USP43: variants seen among roughly 807,000 people sequenced by gnomAD.
The protein encoded by USP43 is ubiquitin specific peptidase 43.
Under a neutral mutation model 90.7 loss-of-function variants are expected in USP43, and 33 were observed. That is an observed-to-expected ratio of 0.36 (90% CI 0.28 to 0.49). USP43 has a LOEUF of 0.49. Ranked by LOEUF, USP43 falls within the 20% of genes least tolerant of loss-of-function variation. The pLI is 0.98. For synonymous variants in USP43, 598 were observed against 615.8 expected, an observed-to-expected ratio of 0.97 and a Z score of 0.43; for missense variants, 1,274 against 1,476.4, an observed-to-expected ratio of 0.86 and a Z score of 2.25.
At chr17:9,712,509 AG>A (rs1246787920) in intron 14 of USP43, among the ~76,000 whole-genome samples, 1 of 152,074 alleles carries the variant, frequency 6.6e-6, no homozygotes, top group Non-Finnish European at 1.5e-5. Context: ...ACATCTTTCT[AG>A]GGGGTGACAC....
chr17:9,658,656 G>A (rs1477597738), intron 2 of USP43, among the ~76,000 whole-genome samples: 1 of 152,164 alleles, frequency 6.6e-6, no homozygotes, highest in Non-Finnish European at 1.5e-5. Context: ...TACTTACCAT[G>A]ATTTCCTGTT....
rs2151993771 is a variant in USP43 at position 9,709,452 on chromosome 17, A to G, written c.2012-504A>G. Among the ~76,000 whole-genome samples the G allele has an allele frequency of 6.6e-6, 1 of 152,330 alleles. No homozygotes were observed. The highest frequency in any genetic ancestry group is 1.5e-5 in the Non-Finnish European group (1 of 68,018). The stretch of plus-strand genomic sequence containing the variant: ...CACTCTTGGCCGGGCATGGTGGCTC[A>G]GGCCTGTAATCCCAGCACTTTGGGA... On this transcript the variant is annotated intron_variant, in intron 12 of 14. Transcript: ENST00000285199. The surrounding 1 kb of genome is among the most constrained non-coding windows in gnomAD (Gnocchi z 5.0).
chr17:9,714,682 C>CAAAAAAAAA (rs34258688), intron 14 of USP43, among the ~76,000 whole-genome samples: 23 of 69,984 alleles, frequency 3.3e-4, no homozygotes, highest in East Asian at 4.3e-4. Context: ...GACTCCATCT[C>CAAAAAAAAA]AAAAAAAAAA....
chr17:9,715,057 G>A (rs1036660648), intron 14 of USP43, among the ~76,000 whole-genome samples: 6 of 152,192 alleles, frequency 3.9e-5, no homozygotes, highest in Non-Finnish European at 5.9e-5. Context: ...GGTGACTGAA[G>A]GAAGGCGGGT....
In USP43 at chr17:9,728,946, C is replaced by A; in HGVS notation, c.3328C>A (p.Leu1110Ile). The change falls in exon 15 of 15, where the codon CTT becomes ATT. Residue 1110 changes from leucine to isoleucine, a missense_variant. Around this residue, in one of 6 missense-constraint regions of USP43, gnomAD observed 353 missense variants for 329.7 expected, o/e 1.07. Coordinates refer to ENST00000285199, the MANE Select transcript of USP43 (RefSeq NM_153210.5). This position sits in a 1 kb window ranked among gnomAD's most constrained non-coding sequence, Gnocchi z 6.2. ...GTFQRVKYHT[L>I]SLGRKKTLPE... Reference sequence around the variant, plus strand: ...CTTTCAGAGAGTCAAATATCACACTCTTTCTTTAGGTCGAAAGAAAACCTT... The same window carrying A: ...CTTTCAGAGAGTCAAATATCACACTATTTCTTTAGGTCGAAAGAAAACCTT... 6.3e-7 allele frequency: 1 copy of A among 1,598,082 alleles called. No individual in the cohort carries two copies. The highest frequency in any genetic ancestry group is 8.5e-7 in the Non-Finnish European group (1 of 1,169,950).
chr17:9,664,770 C>T (rs577323662), intron 2 of USP43, among the ~76,000 whole-genome samples: 589 of 151,788 alleles, frequency 3.9e-3, no homozygotes, highest in African/African-American at 0.013. Flanking sequence ...CCCGAGTAGC[C>T]GGGACTACAG....
At chr17:9,722,387 T>A (rs527419113) in intron 14 of USP43, among the ~76,000 whole-genome samples, 1 of 152,214 alleles carries the variant, frequency 6.6e-6, no homozygotes, top group East Asian at 1.9e-4. Flanking sequence ...GTTTTCTTTT[T>A]ACCAAAAATT....
chr17:9,716,464 T>TA (rs1158854640), intron 14 of USP43, among the ~76,000 whole-genome samples: 2 of 152,180 alleles, frequency 1.3e-5, no homozygotes, highest in Non-Finnish European at 2.9e-5. Context: ...CTGTTTTAAA[T>TA]AAAAAACAGC....
chr17:9,663,696 T>C (rs1023273940), intron 2 of USP43, among the ~76,000 whole-genome samples: 1 of 152,190 alleles, frequency 6.6e-6, no homozygotes, highest in African/African-American at 2.4e-5. Flanking sequence ...CAATCTCGGC[T>C]CACTGCAACC....
At chr17:9,665,972 G>A (rs183074536) in intron 2 of USP43, among the ~76,000 whole-genome samples, 1 of 152,130 alleles carries the variant, frequency 6.6e-6, no homozygotes, top group Admixed American at 6.5e-5. Context: ...TTTCAGTGCC[G>A]TGATACTGAT....
At chr17:9,693,761 C>A (rs1279397283) in intron 9 of USP43, among the ~76,000 whole-genome samples, 1 of 152,160 alleles carries the variant, frequency 6.6e-6, no homozygotes, top group African/African-American at 2.4e-5. Context: ...TTGCTTGAAC[C>A]AGGGAGATGG....
chr17:9,669,663 C>A (rs1057116645), intron 3 of USP43: 1 of 152,194 alleles, frequency 6.6e-6, no homozygotes, highest in East Asian at 1.9e-4. Flanking sequence ...ACTTGGGAGG[C>A]GGGGAAGTGG....
At chr17:9,649,293 C>T (rs774985842) in intron 1 of USP43, among the ~76,000 whole-genome samples, 11 of 152,054 alleles carry the variant, frequency 7.2e-5, no homozygotes, top group Non-Finnish European at 1.0e-4. Context: ...GGTGACAGAG[C>T]GAGACTCCCT....
intron 9 of USP43, among the ~76,000 whole-genome samples, chr17:9,697,265 A>C (rs1466147254): frequency 6.6e-6 from 1 of 152,058 alleles, no homozygotes; most frequent in African/African-American, 2.4e-5. Context: ...AAATTTCTTA[A>C]AGTTTTGTTT....
intron 5 of USP43, 136 bp downstream of exon 5, chr17:9,677,017 T>G: frequency 8.8e-7 from 1 of 1,135,152 alleles, no homozygotes; most frequent in Non-Finnish European, 1.2e-6. Context: ...TGATTAGTAA[T>G]GCCTGCTGTC....
chr17:9,717,004 C>T (rs1007285199), intron 14 of USP43, among the ~76,000 whole-genome samples: 7 of 151,822 alleles, frequency 4.6e-5, no homozygotes, highest in Admixed American at 1.3e-4. Flanking sequence ...GACATGGTGG[C>T]GGGCACCTGT....
At chr17:9,659,328 A>T (rs1320290336) in intron 2 of USP43, among the ~76,000 whole-genome samples, 3 of 152,240 alleles carry the variant, frequency 2.0e-5, no homozygotes, top group Non-Finnish European at 2.9e-5. Flanking sequence ...TAAATTAGTT[A>T]TCATGCTTTA....
chr17:9,670,184 G>A (rs1003858809), intron 3 of USP43, among the ~76,000 whole-genome samples: 15 of 152,086 alleles, frequency 9.9e-5, no homozygotes, highest in Admixed American at 5.9e-4. Context: ...GACTACAGGC[G>A]TGTGCCACCA....
Position 9,728,014 on chromosome 17 carries a change from C to A in USP43, c.2396C>A (p.Ala799Glu). 6.2e-7 allele frequency: 1 copy of A among 1,613,448 alleles called. No individual in the cohort carries two copies. Among genetic ancestry groups the A allele is most frequent in the Non-Finnish European group, 8.5e-7 (1 of 1,179,502 alleles). Residue 799 changes from alanine to glutamate, a missense_variant, in exon 15 of 15, where the codon GCA (alanine) becomes GAA (glutamate). By Grantham distance (107) the Ala-to-Glu change is moderately radical (BLOSUM62 -1). Around this residue, in one of 6 missense-constraint regions of USP43, gnomAD observed 285 missense variants for 349.6 expected, o/e 0.82. Coordinates refer to ENST00000285199, the MANE Select transcript of USP43 (RefSeq NM_153210.5). This position sits in a 1 kb window ranked among gnomAD's most constrained non-coding sequence, Gnocchi z 6.2. ...AAAGGCAGAAGCATTAGCATGAAGGCACCCACCACTTCCCGAGCCAAGCAG... is the reference window on the plus strand; with the variant it reads ...AAAGGCAGAAGCATTAGCATGAAGGAACCCACCACTTCCCGAGCCAAGCAG... ...GVKGRSISMK[A>E]PTTSRAKQGP...
Sources: gnomAD v4.1 joint callset for allele counts (sites outside exome capture counted in the v4.1 genomes callset) on GRCh38, gnomAD v4.1.1 for gene constraint, gnomAD v4.1.1 regional missense constraint, Gnocchi (gnomAD v3.1) non-coding constraint, MANE v1.5 for transcripts, NCBI Gene and HGNC (gene_info 2026-07-23, HGNC 2026-07-21) for gene names.